The following ANK3 variants were observed in gnomAD, a reference collection of about 807,000 sequenced individuals.
ANK3 encodes ankyrin 3.
ANK3 carries 57 observed loss-of-function variants against 370.9 expected under a neutral mutation model. That is an observed-to-expected ratio of 0.15 (90% CI 0.12 to 0.19). The LOEUF is 0.19. Ranked by LOEUF, ANK3 falls within the 10% of genes least tolerant of loss-of-function variation. ANK3 has a pLI of 1.00. For synonymous variants in ANK3, 1,929 were observed against 1,946.3 expected (o/e 0.99, Z 0.23); for missense variants, 4,439 against 5,302.1 (o/e 0.84, Z 5.06).
At chr10:60,276,461 C>A (rs2098090950) in intron 4 of ANK3, among the ~76,000 whole-genome samples, 1 of 152,162 alleles carries the variant, frequency 6.6e-6, no homozygotes, top group Admixed American at 6.6e-5. Context: ...CTTATTCCAT[C>A]CACAGAACAA....
intron 21 of ANK3, 129 bp downstream of exon 21, chr10:60,172,179 T>C (rs2095810287): frequency 1.5e-6 from 1 of 660,714 alleles, no homozygotes; most frequent in Admixed American, 2.7e-5. Context: ...CTACCAACAA[T>C]GAGGTGACTG....
At chr10:60,479,390 T>G (rs2075153215) in intron 2 of ANK3, among the ~76,000 whole-genome samples, 1 of 152,172 alleles carries the variant, frequency 6.6e-6, no homozygotes. Context: ...GACTATACTA[T>G]ATAGCCTAGG....
chr10:60,207,620 T>C (rs2096785012), intron 10 of ANK3, among the ~76,000 whole-genome samples: 1 of 152,216 alleles, frequency 6.6e-6, no homozygotes, highest in African/African-American at 2.4e-5. Flanking sequence ...GGTTAAGATA[T>C]ATAAAATTTT....
chr10:60,423,108 A>T (rs2063811152), intron 2 of ANK3, among the ~76,000 whole-genome samples: 1 of 152,004 alleles, frequency 6.6e-6, no homozygotes, highest in Non-Finnish European at 1.5e-5. Flanking sequence ...AGATAATTTT[A>T]AAAGACCCAT....
chr10:60,190,980 G>C (rs541117989), intron 16 of ANK3, among the ~76,000 whole-genome samples: 255 of 152,190 alleles, frequency 1.7e-3, no homozygotes, highest in African/African-American at 5.9e-3. Flanking sequence ...AACAAACACA[G>C]AGAAAAGGAC....
intron 2 of ANK3, among the ~76,000 whole-genome samples, chr10:60,491,849 C>A (rs908004367): frequency 2.0e-5 from 3 of 152,094 alleles, no homozygotes; most frequent in African/African-American, 7.2e-5. Flanking sequence ...TCTGTCTCCT[C>A]ATATATAAAA....
chr10:60,430,239 A>G (rs552525529), intron 2 of ANK3, among the ~76,000 whole-genome samples: 1 of 152,348 alleles, frequency 6.6e-6, no homozygotes, highest in Admixed American at 6.5e-5. Flanking sequence ...AAGAAAATCA[A>G]AGAGGGAGAA....
At chr10:60,080,337 T>TTGAAGTA (rs1214856747) in intron 36 of ANK3, 200 bp downstream of exon 36, 5 of 529,028 alleles carry the variant, frequency 9.5e-6, no homozygotes, top group African/African-American at 2.0e-5. Flanking sequence ...AAAAACTGTT[T>TTGAAGTA]TGAAGTATGA....
chr10:60,294,453 G>T (rs1479210438), intron 1 of ANK3, among the ~76,000 whole-genome samples: 1 of 152,158 alleles, frequency 6.6e-6, no homozygotes, highest in African/African-American at 2.4e-5. Context: ...TGCAGCTGGA[G>T]CCTTGCTAGA....
At chr10:60,604,008 A>G (rs991076207) in intron 2 of ANK3, among the ~76,000 whole-genome samples, 5 of 152,168 alleles carry the variant, frequency 3.3e-5, no homozygotes, top group African/African-American at 1.2e-4. Flanking sequence ...GGAAAGGCAA[A>G]ATCTGTAAAG....
At chr10:60,122,258 A>G (rs2093525415) in intron 25 of ANK3, among the ~76,000 whole-genome samples, 1 of 152,246 alleles carries the variant, frequency 6.6e-6, no homozygotes, top group African/African-American at 2.4e-5. Context: ...TGGGAAAGGT[A>G]GCCAGGAAGG....
chr10:60,535,133 A>G (rs2076693822), intron 2 of ANK3, among the ~76,000 whole-genome samples: 1 of 152,152 alleles, frequency 6.6e-6, no homozygotes, highest in Non-Finnish European at 1.5e-5. Flanking sequence ...AATACAGGTC[A>G]CTGTAGACTG....
Position 60,343,139 on chromosome 10 carries a change from GAAT to G in ANK3, c.114+46283_114+46285del, listed in dbSNP as rs1324165481. Among the ~76,000 whole-genome samples the G allele has an allele frequency of 2.6e-5, 4 of 152,146 alleles. No homozygotes were observed. The East Asian group carries it at 7.7e-4, about 29-fold the overall frequency. On this transcript the variant is annotated intron_variant, in intron 1 of 43. Coordinates refer to ENST00000280772, the MANE Select transcript of ANK3 (RefSeq NM_020987.5). ...CAGTCCTATCCCTTTATTCTGCAAT[GAAT>G]AATATTTATACAATCATCCTATTGC...
chr10:60,187,262 TCTC>T (rs756209549), intron 16 of ANK3, among the ~76,000 whole-genome samples: 1 of 151,942 alleles, frequency 6.6e-6, no homozygotes, highest in Non-Finnish European at 1.5e-5. Flanking sequence ...TTCACGCCAT[TCTC>T]CTGCCTCAGC....
At chr10:60,193,009 A>G (rs74665402) in intron 16 of ANK3, among the ~76,000 whole-genome samples, 1 of 152,116 alleles carries the variant, frequency 6.6e-6, no homozygotes, top group Non-Finnish European at 1.5e-5. Context: ...ACCTAAAATT[A>G]TATGACTGGC....
chr10:60,678,495 T>C (rs2133388319), intron 1 of ANK3, among the ~76,000 whole-genome samples: 1 of 152,314 alleles, frequency 6.6e-6, no homozygotes, highest in Admixed American at 6.5e-5. Context: ...TACCTTAGTA[T>C]ATAAACACAA....
chr10:60,072,762 C>T lies in ANK3; in HGVS notation c.8119G>A (p.Gly2707Arg), dbSNP rs1288013962. Residue 2707 changes from glycine (G) to arginine (R), a missense_variant, in exon 37 of 44, where the codon GGA becomes AGA. Physicochemically the swap from Gly to Arg is moderately radical, Grantham distance 125. Coordinates refer to ENST00000280772, the MANE Select transcript of ANK3 (RefSeq NM_020987.5). ...AGTTTAGATTGTTTGAGCTGGAATC[C>T]AGACTGGGGCCCATCTGGTGCTTTG... ...QSKAPDGPQS[G>R]FQLKQSKLSS... The T allele has an allele frequency of 1.2e-6, 2 of 1,614,096 alleles. No homozygotes were observed. The highest frequency in any genetic ancestry group is 1.7e-6 in the Non-Finnish European group (2 of 1,180,010).
intron 3 of ANK3, 88 bp from the exon 4 acceptor site, chr10:60,278,960 T>C: frequency 1.3e-6 from 2 of 1,550,718 alleles, no homozygotes; most frequent in Non-Finnish European, 8.9e-7. Context: ...ACAAATATCT[T>C]ATGAGATATG....
At chr10:60,126,626 T>C (rs2093771845) in intron 25 of ANK3, among the ~76,000 whole-genome samples, 1 of 151,060 alleles carries the variant, frequency 6.6e-6, no homozygotes, top group Non-Finnish European at 1.5e-5. Flanking sequence ...AGGTAGAGGT[T>C]GCAGTGAGCT....
Sources: allele counts gnomAD v4.1 joint callset (sites outside exome capture counted in the v4.1 genomes callset), GRCh38; gene constraint gnomAD v4.1.1; transcripts MANE v1.5; gene names NCBI Gene and HGNC (gene_info 2026-07-23, HGNC 2026-07-21).